PPP2R5E: variants seen among roughly 807,000 people sequenced by gnomAD.
PPP2R5E encodes protein phosphatase 2 regulatory subunit B'epsilon.
A neutral mutation model predicts 65.3 loss-of-function variants in PPP2R5E; 4 were observed. The observed-to-expected ratio is 0.06, with a 90% CI of 0.03 to 0.14. PPP2R5E has a LOEUF of 0.14. Among genes scored for constraint, PPP2R5E ranks in the 10% least tolerant of loss-of-function variants. The pLI, the probability that PPP2R5E is intolerant of heterozygous loss-of-function variation, is 1.00. For missense variants in PPP2R5E, 274 were observed against 556.1 expected, an observed-to-expected ratio of 0.49 and a Z score of 5.10; for synonymous variants, 183 against 187.4, an observed-to-expected ratio of 0.98 and a Z score of 0.19.
At chr14:63,470,995 C>G (rs1890101252) in intron 2 of PPP2R5E, among the ~76,000 whole-genome samples, 1 of 152,146 alleles carries the variant, frequency 6.6e-6, no homozygotes. Context: ...AAGTCCAAAG[C>G]AAGCATAGCA....
rs1888015882 is a variant in PPP2R5E, at chr14:63,437,771, C to T, written c.355-15677G>A. ...ACCTTTCTGAAAAGTATAGAAACAT[C>T]ATATTTTCCAATAGAACTTCCTTGT... On this transcript the variant is annotated intron_variant, in intron 3 of 13. Coordinates refer to ENST00000337537, the MANE Select transcript of PPP2R5E (RefSeq NM_006246.5). Among the ~76,000 whole-genome samples, 3 of 152,164 alleles carry T rather than the reference C, an allele frequency of 2.0e-5. No individual in the cohort carries two copies. In the South Asian group the frequency reaches 6.2e-4, roughly 32 times the overall value.
At chr14:63,382,587 G>A (rs1045157358) in intron 12 of PPP2R5E, among the ~76,000 whole-genome samples, 1 of 151,826 alleles carries the variant, frequency 6.6e-6, no homozygotes, top group African/African-American at 2.4e-5. Context: ...TTTTAGTAGA[G>A]ACGAGGTTTC....
Position 63,540,737 on chromosome 14 carries a change from GAAAC to G in PPP2R5E, c.-7-1049_-7-1046del, listed in dbSNP as rs766631092. On this transcript the variant is annotated intron_variant, in intron 1 of 13. Coordinates refer to ENST00000337537, the MANE Select transcript of PPP2R5E (RefSeq NM_006246.5). ...AACTCCTTCTCAAAAAAAAAAAAAA[GAAAC>G]AAACAAAGAAAAGAAAAGTCATATG... 2.6e-4 allele frequency among the ~76,000 whole-genome samples: 38 copies of G among 146,878 alleles called. No homozygotes were observed. In the East Asian group the frequency reaches 5.7e-3, roughly 22 times the overall value.
chr14:63,469,006 GGGATATGATA>G (rs1889978732), intron 2 of PPP2R5E, among the ~76,000 whole-genome samples: 1 of 152,166 alleles, frequency 6.6e-6, no homozygotes, highest in African/African-American at 2.4e-5. Context: ...AAGTCTGGAA[GGGATATGATA>G]GGTGGTTTCA....
At chr14:63,441,828 T>G (rs1184418278) in intron 3 of PPP2R5E, among the ~76,000 whole-genome samples, 7 of 150,624 alleles carry the variant, frequency 4.6e-5, no homozygotes, top group African/African-American at 1.2e-4. Context: ...GAGAACGCCA[T>G]GAACCTGGGA....
intron 2 of PPP2R5E, among the ~76,000 whole-genome samples, chr14:63,528,176 T>C (rs1380630674): frequency 6.6e-6 from 1 of 152,220 alleles, no homozygotes; most frequent in South Asian, 2.1e-4. Flanking sequence ...TCGAAATATC[T>C]AGAAACTTTA....
intron 2 of PPP2R5E, among the ~76,000 whole-genome samples, chr14:63,528,013 G>A (rs12050157): frequency 0.11 from 16,129 of 151,352 alleles, 915 homozygotes; most frequent in East Asian, 0.16. Flanking sequence ...CATTCTTACT[G>A]AGGGAAACTA....
chr14:63,412,055 C>T (rs939910025), intron 5 of PPP2R5E, among the ~76,000 whole-genome samples: 1 of 152,108 alleles, frequency 6.6e-6, no homozygotes, highest in African/African-American at 2.4e-5. Flanking sequence ...TTACAGATGT[C>T]ATAAAGATGG....
chr14:63,454,086 A>G (rs1243978260), intron 2 of PPP2R5E, among the ~76,000 whole-genome samples: 1 of 152,220 alleles, frequency 6.6e-6, no homozygotes, highest in Non-Finnish European at 1.5e-5. Context: ...ACTACATTGT[A>G]CCAACAAAAT....
At chr14:63,539,377 G>T in intron 2 of PPP2R5E, 152 bp downstream of exon 2, 1 of 708,122 alleles carries the variant, frequency 1.4e-6, no homozygotes, top group Non-Finnish European at 2.2e-6. Context: ...AGGAGAGTGG[G>T]TATATTTGGT....
chr14:63,540,722 CAAAA>C (rs554898958), intron 1 of PPP2R5E, among the ~76,000 whole-genome samples: 1 of 91,756 alleles, frequency 1.1e-5, no homozygotes, highest in Non-Finnish European at 2.4e-5. Context: ...AACTCCTTCT[CAAAA>C]AAAAAAAAAA....
intron 11 of PPP2R5E, among the ~76,000 whole-genome samples, chr14:63,387,793 A>C (rs1277890625): frequency 6.6e-6 from 1 of 152,240 alleles, no homozygotes; most frequent in Non-Finnish European, 1.5e-5. Flanking sequence ...ACATGAGCTC[A>C]TAAGGGTGGG....
chr14:63,411,175 A>G (rs774140461), intron 5 of PPP2R5E, among the ~76,000 whole-genome samples: 1 of 152,170 alleles, frequency 6.6e-6, no homozygotes, highest in Non-Finnish European at 1.5e-5. Context: ...GATGACAGTA[A>G]TGCTATAAAC....
intron 2 of PPP2R5E, among the ~76,000 whole-genome samples, chr14:63,489,695 GC>G (rs1249502255): frequency 1.3e-5 from 2 of 152,024 alleles, no homozygotes; most frequent in Non-Finnish European, 2.9e-5. Flanking sequence ...GGCATGAGCT[GC>G]TGCGCCCAGC....
At chr14:63,512,631 C>G (rs1892511151) in intron 2 of PPP2R5E, among the ~76,000 whole-genome samples, 2 of 152,126 alleles carry the variant, frequency 1.3e-5, no homozygotes, top group South Asian at 4.2e-4. Context: ...CCAAAGATGA[C>G]CAGTGTTAAG....
intron 3 of PPP2R5E, among the ~76,000 whole-genome samples, chr14:63,431,162 G>A (rs1436485397): frequency 1.3e-5 from 2 of 152,046 alleles, no homozygotes; most frequent in African/African-American, 4.8e-5. Flanking sequence ...CAGCTACTCG[G>A]GAGACTGAGG....
intron 4 of PPP2R5E, among the ~76,000 whole-genome samples, chr14:63,421,776 G>A (rs1181700302): frequency 1.3e-5 from 2 of 152,208 alleles, no homozygotes; most frequent in Admixed American, 6.5e-5. Flanking sequence ...TACCTGCAAC[G>A]TGGGGTTGGG....
At chr14:63,405,892 T>A (rs1228233966) in intron 5 of PPP2R5E, among the ~76,000 whole-genome samples, 1 of 152,150 alleles carries the variant, frequency 6.6e-6, no homozygotes, top group Non-Finnish European at 1.5e-5. Flanking sequence ...AAATCAACAT[T>A]ACCACAGACA....
chr14:63,431,264 C>CAA (rs113008212), intron 3 of PPP2R5E, among the ~76,000 whole-genome samples: 11 of 112,596 alleles, frequency 9.8e-5, no homozygotes, highest in South Asian at 5.7e-4. Context: ...TAGACTCTAT[C>CAA]AAAAAAAAAA....
Sources: gnomAD v4.1 joint callset for allele counts (sites outside exome capture counted in the v4.1 genomes callset) on GRCh38, gnomAD v4.1.1 for gene constraint, MANE v1.5 for transcripts, NCBI Gene and HGNC (gene_info 2026-07-23, HGNC 2026-07-21) for gene names.